VPS8: variants seen among roughly 807,000 people sequenced by gnomAD.
The protein encoded by VPS8 is vacuolar protein sorting-associated protein 8 homolog.
In VPS8, 129 loss-of-function variants were observed where a neutral mutation model predicts 216.4. That is an observed-to-expected ratio of 0.60 (90% confidence interval 0.52 to 0.69). VPS8 has a LOEUF of 0.69. VPS8 is among the 30% of genes least tolerant of loss of function. The pLI is 0.00. For missense variants in VPS8, 1,531 were observed against 1,683.5 expected, an observed-to-expected ratio of 0.91 and a Z score of 1.59; for synonymous variants, 571 against 565.4, an observed-to-expected ratio of 1.01 and a Z score of -0.14.
rs111931133 is a variant in VPS8, at chr3:184,934,327, C to T, written c.2899-1919C>T. Among the ~76,000 whole-genome samples, 686 of 152,136 alleles carry T rather than the reference C, an allele frequency of 4.5e-3. 13 individuals carry two copies. Among genetic ancestry groups the T allele is most frequent in the Admixed American group, 0.036 (552 of 15,266 alleles). On this transcript the variant is annotated intron_variant, in intron 34 of 47. Coordinates refer to ENST00000625842, the MANE Select transcript of VPS8 (RefSeq NM_001009921.3). ...GCTGGGATTACAGATATGGCCACCA[C>T]GCACAGCTTATTTTTATATTTTTAG...
At chr3:184,870,947 T>G in intron 21 of VPS8, 142 bp downstream of exon 21, 2 of 699,272 alleles carry the variant, frequency 2.9e-6, no homozygotes, top group East Asian at 5.5e-5. Context: ...TTGTAGAACA[T>G]TCTAAATGAT....
chr3:184,943,989 C>G (rs187671618), intron 36 of VPS8, among the ~76,000 whole-genome samples: 1 of 152,266 alleles, frequency 6.6e-6, no homozygotes. Flanking sequence ...GTAATCTCAA[C>G]TACTCAGGAG....
Position 184,984,194 on chromosome 3 carries a change from A to AAAAAAAAAACAAAAACTCACCAAG in VPS8, c.3585+1100_3585+1101insAAAAAAAAACAAAAACTCACCAAG. On this transcript the variant is annotated intron_variant, in intron 42 of 47. Transcript: ENST00000625842. ...GCGAGACTCCGTCTCAAAAAAAAAA[A>AAAAAAAAAACAAAAACTCACCAAG]CTCTACTTCCCATCTGATATTAAGC... Among the ~76,000 whole-genome samples, 2 of 46,528 alleles carry AAAAAAAAAACAAAAACTCACCAAG rather than the reference A, an allele frequency of 4.3e-5. 1 individual carries two copies. Among genetic ancestry groups the AAAAAAAAAACAAAAACTCACCAAG allele is most frequent in the Non-Finnish European group, 8.1e-5 (2 of 24,752 alleles). 30.5% of individuals were successfully genotyped at this position (46,528 alleles called of 152,430 possible).
chr3:184,892,280 G>T (rs751453770), intron 22 of VPS8, among the ~76,000 whole-genome samples: 2 of 152,072 alleles, frequency 1.3e-5, no homozygotes, highest in Admixed American at 6.5e-5. Flanking sequence ...GGCTGGAGTC[G>T]ATCTCGGCTC....
intron 1 of VPS8, among the ~76,000 whole-genome samples, chr3:184,819,003 T>TA (rs1385682142): frequency 7.3e-5 from 11 of 151,318 alleles, no homozygotes; most frequent in East Asian, 1.9e-4. Context: ...TCCCATCTCT[T>TA]AAAAAAAAAC....
chr3:184,877,092 T>C (rs1297921706), intron 21 of VPS8, among the ~76,000 whole-genome samples: 1 of 152,210 alleles, frequency 6.6e-6, no homozygotes, highest in East Asian at 1.9e-4. Context: ...TGTTCTCTCT[T>C]TACCCAGAGC....
At chr3:184,892,757 T>A (rs1195864449) in intron 22 of VPS8, among the ~76,000 whole-genome samples, 1 of 152,158 alleles carries the variant, frequency 6.6e-6, no homozygotes, top group Admixed American at 6.5e-5. Flanking sequence ...TAAACAGGAG[T>A]GCCTTCTTAG....
intron 36 of VPS8, among the ~76,000 whole-genome samples, chr3:184,956,883 A>G (rs1745698128): frequency 6.6e-6 from 1 of 152,208 alleles, no homozygotes; most frequent in South Asian, 2.1e-4. Flanking sequence ...AAAATTTACT[A>G]CTGAGAAGAT....
intron 3 of VPS8, among the ~76,000 whole-genome samples, chr3:184,831,556 A>G (rs1436808905): frequency 1.3e-5 from 2 of 152,178 alleles, no homozygotes; most frequent in African/African-American, 4.8e-5. Context: ...AACTTGGGCA[A>G]AGCCAAGTTC....
intron 42 of VPS8, among the ~76,000 whole-genome samples, chr3:184,992,846 G>T (rs1039688412): frequency 5.3e-5 from 8 of 152,090 alleles, no homozygotes; most frequent in Non-Finnish European, 8.8e-5. Flanking sequence ...TCCTAAAATA[G>T]GTAGAGCAAT....
At chr3:184,966,613 G>T in intron 38 of VPS8, 58 bp from the exon 39 acceptor site, 10 of 1,193,236 alleles carry the variant, frequency 8.4e-6, no homozygotes, top group Non-Finnish European at 1.2e-5. Context: ...TTCAAGTATT[G>T]GGTGGGTAGA....
chr3:184,846,586 A>AG (rs1217894989), intron 8 of VPS8, among the ~76,000 whole-genome samples: 2 of 152,274 alleles, frequency 1.3e-5, no homozygotes, highest in African/African-American at 2.4e-5. Flanking sequence ...TTGGTGAATC[A>AG]GAACTCTGTG....
intron 7 of VPS8, among the ~76,000 whole-genome samples, chr3:184,841,244 T>C (rs1251656853): frequency 6.6e-6 from 1 of 152,198 alleles, no homozygotes; most frequent in Non-Finnish European, 1.5e-5. Flanking sequence ...TCCTGCCATG[T>C]ATTAATAATC....
intron 45 of VPS8, among the ~76,000 whole-genome samples, chr3:185,004,536 T>C (rs201143518): frequency 2.1e-4 from 1 of 4,736 alleles, no homozygotes; most frequent in African/African-American, 2.2e-4. Context: ...GAGAGCTCTT[T>C]TTTATTTTTT....
intron 42 of VPS8, among the ~76,000 whole-genome samples, chr3:184,991,271 TCTTC>T (rs1418144834): frequency 3.3e-5 from 5 of 152,230 alleles, no homozygotes; most frequent in African/African-American, 1.2e-4. Flanking sequence ...CCAAGTATGC[TCTTC>T]CTTCATAGTT....
intron 21 of VPS8, among the ~76,000 whole-genome samples, chr3:184,877,610 G>A (rs1176533050): frequency 6.6e-6 from 1 of 152,134 alleles, no homozygotes; most frequent in Non-Finnish European, 1.5e-5. Context: ...AGAGGAAATA[G>A]ACACACAAAG....
chr3:184,828,600 T>A (rs1268709205), intron 3 of VPS8, among the ~76,000 whole-genome samples: 1 of 152,234 alleles, frequency 6.6e-6, no homozygotes, highest in African/African-American at 2.4e-5. Flanking sequence ...CTTTTTCCCC[T>A]ATTTCCTTCC....
In VPS8 at chr3:184,870,772, A is replaced by G; in HGVS notation, c.1701A>G (p.Gln567=). 3 of 1,612,390 alleles carry G rather than the reference A, an allele frequency of 1.9e-6. No individual in the cohort carries two copies. Among genetic ancestry groups the G allele is most frequent in the South Asian group, 1.1e-5 (1 of 90,700 alleles). ...GAGCTCTGAAAAAGTGCCCAGACCA[A>G]GGAAAAATCCAAGTGATGGAGCAGC... ...ADRALKKCPD[Q]GKIQVMEQHF... The change falls in exon 21 of 48, where the codon CAA becomes CAG. Residue 567 remains glutamine, a synonymous_variant. Transcript: ENST00000625842.
At chr3:184,865,029 T>G (rs1577966787) in intron 16 of VPS8, among the ~76,000 whole-genome samples, 1 of 152,100 alleles carries the variant, frequency 6.6e-6, no homozygotes, top group African/African-American at 2.4e-5. Flanking sequence ...ATAGTGCTTA[T>G]AGATGAAAAA....
Sources: allele counts gnomAD v4.1 joint callset (sites outside exome capture counted in the v4.1 genomes callset), GRCh38; gene constraint gnomAD v4.1.1; transcripts MANE v1.5; gene names NCBI Gene and HGNC (gene_info 2026-07-23, HGNC 2026-07-21).